GALNT13: variants seen among roughly 807,000 people sequenced by gnomAD.
GALNT13 encodes the protein UDP-GalNAc:polypeptide N-acetylgalactosaminyltransferase 13.
Under a neutral mutation model 64.2 loss-of-function variants are expected in GALNT13, and 28 were observed. That is an observed-to-expected ratio of 0.44 (90% CI 0.32 to 0.60). GALNT13 has a LOEUF of 0.60. Among genes scored for constraint, GALNT13 ranks in the 20% least tolerant of loss-of-function variants. GALNT13 has a pLI of 0.05. For synonymous variants in GALNT13, 214 were observed against 224.6 expected, an observed-to-expected ratio of 0.95 and a Z score of 0.42; for missense variants, 577 against 669.8, an observed-to-expected ratio of 0.86 and a Z score of 1.53.
the GALNT13 span, among the ~76,000 whole-genome samples, chr2:153,804,951 C>T: frequency 6.6e-6 from 1 of 151,566 alleles, no homozygotes; most frequent in Non-Finnish European, 1.5e-5. Context: ...AGTGGCAGAA[C>T]CTAAAAGTTT....
intron 3 of GALNT13, among the ~76,000 whole-genome samples, chr2:154,095,072 T>C (rs1702008163): frequency 1.3e-5 from 2 of 151,886 alleles, no homozygotes; most frequent in African/African-American, 4.8e-5. Context: ...CTTTATCAGC[T>C]CTGCTTGATA....
chr2:153,630,765 A>G, the GALNT13 span, among the ~76,000 whole-genome samples: 2 of 16,766 alleles, frequency 1.2e-4, no homozygotes, highest in Non-Finnish European at 1.9e-4. Flanking sequence ...TAGGCTTCAT[A>G]TATATATATA....
intron 3 of GALNT13, among the ~76,000 whole-genome samples, chr2:153,957,766 T>C (rs927905223): frequency 6.6e-6 from 1 of 152,116 alleles, no homozygotes; most frequent in African/African-American, 2.4e-5. Flanking sequence ...TTTCTTTTTC[T>C]TTTTTTTCCT....
At chr2:154,251,982 TA>T (rs890392903) in intron 7 of GALNT13, among the ~76,000 whole-genome samples, 2 of 151,928 alleles carry the variant, frequency 1.3e-5, no homozygotes, top group Non-Finnish European at 2.9e-5. Context: ...TTTGTAAATG[TA>T]AAAAAAACCT....
At chr2:153,769,465 A>C in the GALNT13 span, among the ~76,000 whole-genome samples, 7 of 152,078 alleles carry the variant, frequency 4.6e-5, no homozygotes, top group East Asian at 1.4e-3. Context: ...TTAGTCTGAT[A>C]GAATTTCCTT....
intron 1 of GALNT13, among the ~76,000 whole-genome samples, chr2:153,894,919 G>A (rs1422926289): frequency 6.6e-6 from 1 of 152,128 alleles, no homozygotes; most frequent in Admixed American, 6.6e-5. Flanking sequence ...GGCATAGCTT[G>A]TTACTTGTCC....
At chr2:153,731,530 C>T in the GALNT13 span, among the ~76,000 whole-genome samples, 12 of 151,986 alleles carry the variant, frequency 7.9e-5, no homozygotes, top group African/African-American at 2.9e-4. Context: ...GTGTCCATGG[C>T]TCCATTAACT....
At chr2:154,298,669 ACATTGTATATAC>A (rs2105980126) in intron 8 of GALNT13, among the ~76,000 whole-genome samples, 1 of 109,146 alleles carries the variant, frequency 9.2e-6, no homozygotes, top group South Asian at 2.6e-4. Flanking sequence ...ATTTATATAT[ACATTGTATATAC>A]AATTTATATA....
At chr2:153,654,192 A>C in the GALNT13 span, among the ~76,000 whole-genome samples, 7 of 152,286 alleles carry the variant, frequency 4.6e-5, no homozygotes, top group East Asian at 1.2e-3. Flanking sequence ...TGCAGAAAAC[A>C]TTACAAAACA....
chr2:154,223,167 A>G (rs912646016), intron 4 of GALNT13, among the ~76,000 whole-genome samples: 1 of 152,156 alleles, frequency 6.6e-6, no homozygotes, highest in African/African-American at 2.4e-5. Flanking sequence ...AATCTTCAAT[A>G]TGATTTTAAA....
chr2:153,154,940 A>T, the GALNT13 span, among the ~76,000 whole-genome samples: 6 of 152,148 alleles, frequency 3.9e-5, no homozygotes, highest in South Asian at 1.2e-3. Context: ...ACATAAATGG[A>T]TGTTGAATTT....
downstream of GALNT13, chr2:154,454,505 A>T (rs1702001741): frequency 6.6e-6 from 1 of 152,126 alleles, no homozygotes; most frequent in Non-Finnish European, 1.5e-5. Context: ...TCTACTAAAA[A>T]TACAAAAATT....
the GALNT13 span, among the ~76,000 whole-genome samples, chr2:153,586,316 A>G: frequency 3.9e-5 from 6 of 152,212 alleles, no homozygotes; most frequent in African/African-American, 7.2e-5. Flanking sequence ...GATCTTGTCT[A>G]TAAAGACACA....
At chr2:153,923,358 T>C (rs906138345) in intron 2 of GALNT13, among the ~76,000 whole-genome samples, 1 of 152,210 alleles carries the variant, frequency 6.6e-6, no homozygotes, top group African/African-American at 2.4e-5. Flanking sequence ...GCTGGATTAA[T>C]AGCAAATTAT....
At chr2:153,250,832 C>T in the GALNT13 span, among the ~76,000 whole-genome samples, 13 of 151,810 alleles carry the variant, frequency 8.6e-5, no homozygotes, top group Admixed American at 2.6e-4. Flanking sequence ...ACAATGAAAA[C>T]GCATGGACAT....
the GALNT13 span, among the ~76,000 whole-genome samples, chr2:153,303,370 A>C: frequency 6.6e-6 from 1 of 152,156 alleles, no homozygotes; most frequent in African/African-American, 2.4e-5. Flanking sequence ...GTGTAGAGAA[A>C]TACTACTTAT....
intron 1 of GALNT13, among the ~76,000 whole-genome samples, chr2:153,884,811 GTGTGTGTGTATATATA>G (rs1687038984): frequency 1.7e-5 from 2 of 115,748 alleles, no homozygotes; most frequent in African/African-American, 7.6e-5. Context: ...ATATATGTGT[GTGTGTGTGTATATATA>G]TGTGTGTGTG....
chr2:154,023,705 A>T (rs1170370092), intron 3 of GALNT13, among the ~76,000 whole-genome samples: 4 of 152,088 alleles, frequency 2.6e-5, no homozygotes, highest in Non-Finnish European at 4.4e-5. Context: ...TTTAAAGTTA[A>T]TGTTGTTATG....
chr2:154,331,469 A>AC (rs1695163871), intron 9 of GALNT13, among the ~76,000 whole-genome samples: 1 of 150,562 alleles, frequency 6.6e-6, no homozygotes, highest in South Asian at 2.1e-4. Context: ...TGCCCACACA[A>AC]TTTTTTTTTT....
Sources: gnomAD v4.1 joint callset for allele counts (sites outside exome capture counted in the v4.1 genomes callset) on GRCh38, gnomAD v4.1.1 for gene constraint, MANE v1.5 for transcripts, NCBI Gene and HGNC (gene_info 2026-07-23, HGNC 2026-07-21) for gene names.